Variants in SUZ12 observed in about 807,000 individuals in gnomAD.
SUZ12 encodes SUZ12 polycomb repressive complex 2 subunit.
Under a neutral mutation model 87.3 loss-of-function variants are expected in SUZ12, and 17 were observed. That is an observed-to-expected ratio of 0.19 (90% CI 0.13 to 0.29). The LOEUF (loss-of-function observed/expected upper bound fraction) is 0.29. SUZ12 is among the 10% of genes least tolerant of loss of function. The pLI, the probability that SUZ12 is intolerant of heterozygous loss-of-function variation, is 1.00. For synonymous variants in SUZ12, 253 were observed against 312.4 expected (o/e 0.81, Z 2.01); for missense variants, 526 against 912.2 (o/e 0.58, Z 5.45).
chr17:31,941,901 G>T (rs1251913224), intron 3 of SUZ12, among the ~76,000 whole-genome samples: 2 of 151,886 alleles, frequency 1.3e-5, no homozygotes, highest in African/African-American at 4.8e-5. Flanking sequence ...CTCCCAGGCT[G>T]GAGTGCAGTG....
rs199728576 is a variant in SUZ12, at chr17:31,937,442, G to A, written c.196G>A (p.Ala66Thr). The change falls in exon 1 of 16, where the codon GCT becomes ACT. Residue 66 changes from alanine to threonine, a missense_variant. Ala to Thr is a moderately conservative substitution (Grantham distance 58). This residue lies in a region of SUZ12 where 92 missense variants were observed against 109.9 expected (regional missense o/e 0.84). Transcript: ENST00000322652. ...SSSSAAAAAG[A>T]AVLPVKKPKM... ...CTCCTCCGCGGCGGCAGCGGCGGGG[G>A]CTGCGGTGTTACCGGTGAAGAAGCC... 5.5e-4 allele frequency: 850 copies of A among 1,541,936 alleles called. 1 individual carries two copies. The highest frequency in any genetic ancestry group is 6.6e-4 in the Non-Finnish European group (753 of 1,145,106).
At chr17:31,985,140 CAG>C (rs975971407) in intron 9 of SUZ12, among the ~76,000 whole-genome samples, 2 of 95,132 alleles carry the variant, frequency 2.1e-5, no homozygotes, top group South Asian at 3.3e-4. Context: ...TCCGGGGAAA[CAG>C]AGCAAGACTC....
intron 4 of SUZ12, among the ~76,000 whole-genome samples, chr17:31,955,465 T>C (rs1378248501): frequency 6.6e-6 from 1 of 151,958 alleles, no homozygotes; most frequent in African/African-American, 2.4e-5. Flanking sequence ...TAAAATTTTG[T>C]AGCCGGGGCA....
intron 9 of SUZ12, among the ~76,000 whole-genome samples, chr17:31,984,731 A>G (rs1390631990): frequency 1.3e-5 from 2 of 152,254 alleles, no homozygotes; most frequent in Admixed American, 6.5e-5. Flanking sequence ...GCAGTACTCA[A>G]CCTTATTAGT....
intron 3 of SUZ12, among the ~76,000 whole-genome samples, chr17:31,944,456 C>T (rs893760648): frequency 7.2e-5 from 11 of 152,168 alleles, no homozygotes; most frequent in African/African-American, 2.7e-4. Context: ...ATCTAAGTTC[C>T]ATTTTCCCGT....
intron 9 of SUZ12, among the ~76,000 whole-genome samples, chr17:31,987,795 G>C (rs1909493174): frequency 6.6e-6 from 1 of 152,052 alleles, no homozygotes; most frequent in Non-Finnish European, 1.5e-5. Context: ...AAAATTAGCT[G>C]GGCGTGACGG....
chr17:31,974,828 TC>T (rs1366710819), intron 6 of SUZ12, among the ~76,000 whole-genome samples: 2 of 152,228 alleles, frequency 1.3e-5, no homozygotes, highest in Non-Finnish European at 2.9e-5. Context: ...ATAAAAGTCT[TC>T]TGATCCTTCC....
chr17:31,962,664 G>T (rs113614578), intron 4 of SUZ12, among the ~76,000 whole-genome samples: 1 of 151,956 alleles, frequency 6.6e-6, no homozygotes, highest in Non-Finnish European at 1.5e-5. Flanking sequence ...ATAACAGACC[G>T]CAGCGAGTAA....
intron 8 of SUZ12, among the ~76,000 whole-genome samples, chr17:31,978,679 A>G (rs148399706): frequency 1.3e-4 from 20 of 152,312 alleles, no homozygotes; most frequent in African/African-American, 4.8e-4. Flanking sequence ...AGCATGGGGT[A>G]TGTTCTATTT....
rs572457257 is a variant in SUZ12, at chr17:31,999,599, T to TA, written c.*602dup. On this transcript the variant is annotated 3_prime_UTR_variant, in exon 16 of 16. Transcript: ENST00000322652. The stretch of plus-strand genomic sequence containing the variant: ...ACATTACATAAGTTCCTTTTACAAT[T>TA]AAAAAATAGCACTTCTTCATCTTAT... The TA allele has an allele frequency of 6.5e-4, 151 of 231,814 alleles. No homozygotes were observed. Among genetic ancestry groups the TA allele is most frequent in the African/African-American group, 3.1e-3 (143 of 45,428 alleles). The allele number at this position is 231,814 out of a possible 1,614,324, so 14.4% of individuals were successfully genotyped here.
In SUZ12 at chr17:31,975,676, T is replaced by G; in HGVS notation, c.786T>G (p.Phe262Leu). The G allele has an allele frequency of 6.2e-7, 1 of 1,613,608 alleles. No homozygotes were observed. The highest frequency in any genetic ancestry group is 8.5e-7 in the Non-Finnish European group (1 of 1,179,794). Residue 262 changes from phenylalanine to leucine, a missense_variant, in exon 7 of 16, where the codon TTT becomes TTG. Phe to Leu is a conservative substitution (Grantham distance 22). Around this residue, in one of 9 missense-constraint regions of SUZ12, gnomAD observed 73 missense variants for 133.8 expected, o/e 0.55. Coordinates refer to ENST00000322652, the MANE Select transcript of SUZ12 (RefSeq NM_015355.4). ...FRVTRPGRRE[F>L]NGMINGETNE... ...TGACTCGTCCAGGAAGAAGAGAGTTTAATGGAATGATTAATGGAGAAACCA... is the reference window on the plus strand; with the variant it reads ...TGACTCGTCCAGGAAGAAGAGAGTTGAATGGAATGATTAATGGAGAAACCA...
intron 4 of SUZ12, among the ~76,000 whole-genome samples, chr17:31,963,231 A>ACCT (rs1907848271): frequency 6.6e-6 from 1 of 150,784 alleles, no homozygotes; most frequent in Non-Finnish European, 1.5e-5. Context: ...TGCAGCCTCC[A>ACCT]CCTCCTGGGT....
Position 31,937,532 on chromosome 17 carries a change from C to T in SUZ12, c.274+12C>T. The stretch of plus-strand genomic sequence containing the variant: ...CCAGGCCTTTGAGAGTGAGTGTGTG[C>T]GAGGCTTTGAGGGCAGGAAGACCCA... On this transcript the variant is annotated intron_variant, in intron 1 of 15. Coordinates refer to ENST00000322652, the MANE Select transcript of SUZ12 (RefSeq NM_015355.4). The T allele has an allele frequency of 3.3e-6, 5 of 1,535,340 alleles. No individual in the cohort carries two copies. Among genetic ancestry groups the T allele is most frequent in the Non-Finnish European group, 4.4e-6 (5 of 1,145,436 alleles).
At chr17:31,967,613 C>T (rs1908175222) in intron 5 of SUZ12, 1 of 152,454 alleles carries the variant, frequency 6.6e-6, no homozygotes, top group Non-Finnish European at 1.5e-5. Flanking sequence ...GGCCTGGTGG[C>T]TCATGTCTGT....
At chr17:31,953,292 A>G (rs574318020) in intron 4 of SUZ12, among the ~76,000 whole-genome samples, 6 of 152,032 alleles carry the variant, frequency 3.9e-5, no homozygotes, top group Non-Finnish European at 7.4e-5. Context: ...TTTGTTTTCC[A>G]GTAGAGACAG....
chr17:31,978,272 G>A (rs1227316601), intron 8 of SUZ12, among the ~76,000 whole-genome samples: 1 of 152,078 alleles, frequency 6.6e-6, no homozygotes, highest in Non-Finnish European at 1.5e-5. Flanking sequence ...TCAGTGGCAT[G>A]ATCTCAGCTC....
intron 5 of SUZ12, chr17:31,967,569 C>T (rs1462118116): frequency 6.6e-6 from 1 of 151,862 alleles, no homozygotes; most frequent in Non-Finnish European, 1.5e-5. Context: ...GAGCGAGACT[C>T]TGTCTAAAAA....
chr17:31,948,096 CTTTT>C (rs1293044800), intron 4 of SUZ12, among the ~76,000 whole-genome samples: 1 of 151,954 alleles, frequency 6.6e-6, no homozygotes, highest in East Asian at 1.9e-4. Context: ...GAGGGGTTCT[CTTTT>C]TTTTCCATCT....
chr17:31,957,721 T>C (rs546009304), intron 4 of SUZ12, among the ~76,000 whole-genome samples: 1 of 151,660 alleles, frequency 6.6e-6, no homozygotes, highest in Non-Finnish European at 1.5e-5. Context: ...AGTTTTTGTA[T>C]TTTTAGCAGA....
Sources: gnomAD v4.1 joint callset for allele counts (sites outside exome capture counted in the v4.1 genomes callset) on GRCh38, gnomAD v4.1.1 for gene constraint, gnomAD v4.1.1 regional missense constraint, MANE v1.5 for transcripts, NCBI Gene and HGNC (gene_info 2026-07-23, HGNC 2026-07-21) for gene names.